Variants in DPP8 observed in about 807,000 individuals in gnomAD.
DPP8 encodes dipeptidyl peptidase 8, also known as DPP VIII.
Under a neutral mutation model 107.5 loss-of-function variants are expected in DPP8, and 31 were observed. The ratio of observed to expected loss-of-function variants is 0.29; its 90% confidence interval spans 0.22 to 0.39. The LOEUF is 0.39. Ranked by LOEUF, DPP8 falls within the 10% of genes least tolerant of loss-of-function variation. The pLI, the probability that DPP8 is intolerant of heterozygous loss-of-function variation, is 1.00. For missense variants in DPP8, 842 were observed against 1,076.1 expected, an observed-to-expected ratio of 0.78 and a Z score of 3.04; for synonymous variants, 381 against 356.6, an observed-to-expected ratio of 1.07 and a Z score of -0.77.
intron 14 of DPP8, among the ~76,000 whole-genome samples, chr15:65,464,225 T>C (rs560209542): frequency 2.0e-5 from 3 of 152,164 alleles, no homozygotes; most frequent in East Asian, 3.9e-4. Context: ...TAGCTGGGCA[T>C]GGTGGCAGGC....
chr15:65,481,547 A>T lies in DPP8; in HGVS notation c.1086T>A (p.Ile362=), dbSNP rs2066926225. Residue 362 remains isoleucine, a synonymous_variant, in exon 9 of 20, where the codon ATT becomes ATA. Transcript: ENST00000300141. ...CCTCAGGAGTCCATCCAGCTCTGGC[A>T]ATATATTCAACTCCTTCAAATAGAA... The part of the protein sequence containing the change: ...FEILFEGVEY[I]ARAGWTPEGK... 6.3e-7 allele frequency: 1 copy of T among 1,594,590 alleles called. No individual in the cohort carries two copies. The highest frequency in any genetic ancestry group is 1.4e-5 in the African/African-American group (1 of 73,786).
Position 65,485,176 on chromosome 15 carries a change from T to G in DPP8, c.956-16A>C, listed in dbSNP as rs375241885. ...TTTGCTGTACCTTTAGAAAGAGACA[T>G]AAATGATAGTAATGTTTATCCAAAA... On this transcript the variant is annotated splice_polypyrimidine_tract_variant and intron_variant, in intron 7 of 19. Transcript: ENST00000300141. 6.4e-7 allele frequency: 1 copy of G among 1,552,080 alleles called. No homozygotes were observed. The highest frequency in any genetic ancestry group is 1.4e-5 in the African/African-American group (1 of 73,782).
At chr15:65,479,092 T>C (rs2066663932) in intron 10 of DPP8, 53 bp from the exon 11 acceptor site, 1 of 1,275,318 alleles carries the variant, frequency 7.8e-7, no homozygotes, top group Non-Finnish European at 1.1e-6. Context: ...TACTACATAA[T>C]TCAATTAGGC....
chr15:65,501,579 T>C (rs2069241281), intron 3 of DPP8, among the ~76,000 whole-genome samples: 1 of 152,224 alleles, frequency 6.6e-6, no homozygotes, highest in African/African-American at 2.4e-5. Flanking sequence ...TTAGATAAAA[T>C]ATGTACAATG....
chr15:65,451,207 T>C (rs2063950789), intron 18 of DPP8, 97 bp from the exon 19 acceptor site: 1 of 724,424 alleles, frequency 1.4e-6, no homozygotes, highest in Non-Finnish European at 2.4e-6. Context: ...ATTAACTTCC[T>C]TATACTGTAA....
At chr15:65,485,190 G>A in intron 7 of DPP8, 30 bp from the exon 8 acceptor site, 1 of 1,500,558 alleles carries the variant, frequency 6.7e-7, no homozygotes, top group Non-Finnish European at 9.3e-7. Context: ...TGATAGTAAT[G>A]TTTATCCAAA....
At chr15:65,491,444 TC>T (rs1442599284) in intron 5 of DPP8, among the ~76,000 whole-genome samples, 2 of 152,130 alleles carry the variant, frequency 1.3e-5, no homozygotes, top group African/African-American at 4.8e-5. Context: ...CACTTACACT[TC>T]CAGTACTCAT....
At chr15:65,477,391 G>A (rs916050878) in intron 11 of DPP8, among the ~76,000 whole-genome samples, 1 of 143,486 alleles carries the variant, frequency 7.0e-6, no homozygotes, top group African/African-American at 2.7e-5. Context: ...GCGAGACTCC[G>A]TCTCAAAAAA....
intron 19 of DPP8, among the ~76,000 whole-genome samples, chr15:65,450,140 G>T (rs951410535): frequency 1.3e-5 from 2 of 151,952 alleles, no homozygotes; most frequent in Admixed American, 1.3e-4. Context: ...ACTAATTTTT[G>T]TATTTTTAGT....
intron 16 of DPP8, among the ~76,000 whole-genome samples, chr15:65,455,141 TA>T (rs1473839584): frequency 6.6e-6 from 1 of 152,234 alleles, no homozygotes; most frequent in Admixed American, 6.5e-5. Context: ...CCTTTTTATC[TA>T]TTTTTTTGGA....
intron 3 of DPP8, 92 bp from the exon 4 acceptor site, chr15:65,500,871 C>CT: frequency 3.3e-5 from 18 of 544,754 alleles, no homozygotes; most frequent in South Asian, 6.0e-5. Context: ...ACATTATTGA[C>CT]TCTTTTTTTT....
chr15:65,515,533 T>C (rs924988055), intron 1 of DPP8: 3 of 753,860 alleles, frequency 4.0e-6, no homozygotes, highest in Admixed American at 4.8e-5. Flanking sequence ...ATTCTCAAAA[T>C]AGGTGACCTG....
intron 15 of DPP8, among the ~76,000 whole-genome samples, chr15:65,459,968 T>C (rs992360879): frequency 6.6e-6 from 1 of 151,692 alleles, no homozygotes; most frequent in African/African-American, 2.4e-5. Context: ...AAAAAAAAAA[T>C]TGTTTTAATT....
chr15:65,499,388 A>G (rs1373064584), intron 4 of DPP8, among the ~76,000 whole-genome samples: 1 of 151,686 alleles, frequency 6.6e-6, no homozygotes, highest in Non-Finnish European at 1.5e-5. Context: ...GCGCCTGCCT[A>G]ATTTTTGTGT....
intron 5 of DPP8, among the ~76,000 whole-genome samples, chr15:65,494,881 GC>G (rs2068426246): frequency 6.6e-6 from 1 of 152,016 alleles, no homozygotes; most frequent in Non-Finnish European, 1.5e-5. Context: ...TTGGATAACT[GC>G]AACAGTCAAG....
intron 16 of DPP8, chr15:65,455,359 C>T (rs1026559255): frequency 6.2e-6 from 1 of 162,178 alleles, no homozygotes; most frequent in African/African-American, 2.4e-5. Context: ...GTCTTGAACT[C>T]CTGGGCTCAA....
intron 17 of DPP8, among the ~76,000 whole-genome samples, chr15:65,452,483 GAATTT>G (rs1339044210): frequency 6.6e-6 from 1 of 151,674 alleles, no homozygotes; most frequent in Non-Finnish European, 1.5e-5. Context: ...TGGCAGTATA[GAATTT>G]AAAACAATAA....
At chr15:65,483,249 G>C (rs1015504989) in intron 8 of DPP8, among the ~76,000 whole-genome samples, 1 of 152,122 alleles carries the variant, frequency 6.6e-6, no homozygotes, top group African/African-American at 2.4e-5. Flanking sequence ...TACATGCTGA[G>C]TGTGGTGGCT....
intron 12 of DPP8, among the ~76,000 whole-genome samples, chr15:65,473,448 T>C (rs184833973): frequency 6.6e-6 from 1 of 151,920 alleles, no homozygotes; most frequent in East Asian, 1.9e-4. Context: ...TAGTTAGGTG[T>C]AGTAGGTGTT....
Sources: allele counts gnomAD v4.1 joint callset (sites outside exome capture counted in the v4.1 genomes callset), GRCh38; gene constraint gnomAD v4.1.1; transcripts MANE v1.5; gene names NCBI Gene and HGNC (gene_info 2026-07-23, HGNC 2026-07-21).